Variants in PCDHGA8 observed in about 807,000 individuals in gnomAD.
The protein encoded by PCDHGA8 is protocadherin gamma subfamily A, 8.
PCDHGA8 carries 45 observed loss-of-function variants against 59.2 expected under a neutral mutation model. The ratio of observed to expected loss-of-function variants is 0.76; its 90% CI spans 0.60 to 0.98. The LOEUF (loss-of-function observed/expected upper bound fraction) is 0.98. PCDHGA8 is among the 50% of genes least tolerant of loss of function. PCDHGA8 has a pLI of 0.00. For synonymous variants in PCDHGA8, 531 were observed against 519.0 expected (o/e 1.02, Z -0.32); for missense variants, 1,257 against 1,196.2 (o/e 1.05, Z -0.75).
rs769671283 is a variant in PCDHGA8, at chr5:141,511,391, C to A, written c.*218C>A. 1 of 1,079,748 alleles carries A rather than the reference C, an allele frequency of 9.3e-7. No homozygotes were observed. The allele number at this position is 1,079,748 out of a possible 1,614,324, so 66.9% of individuals were successfully genotyped here. On this transcript the variant is annotated 3_prime_UTR_variant, in exon 4 of 4. Transcript: ENST00000398604. ...TGCAAAAGCAGTTCCGCTGGGAACC[C>A]CCATCCAATCAACTGCTGTACCCAT...
At chr5:141,447,649 T>C (rs909020761) in intron 1 of PCDHGA8, among the ~76,000 whole-genome samples, 1 of 152,206 alleles carries the variant, frequency 6.6e-6, no homozygotes, top group Non-Finnish European at 1.5e-5. Context: ...TGGTAGAATT[T>C]TCCCCCCCAG....
chr5:141,487,671 G>A lies in PCDHGA8; in HGVS notation c.2425-7136G>A. The A allele has an allele frequency of 6.2e-7, 1 of 1,612,012 alleles. No homozygotes were observed. The highest frequency in any genetic ancestry group is 8.5e-7 in the Non-Finnish European group (1 of 1,178,932). ...GAGGGTTATTCTGATCCAGGCATAT[G>A]GCTAGGCCATGTCCTAGAGAGTACT... On this transcript the variant is annotated intron_variant, in intron 1 of 3. Transcript: ENST00000398604. This position sits in a 1 kb window ranked among gnomAD's most constrained non-coding sequence, Gnocchi z 5.0.
At chr5:141,414,266 C>T in intron 1 of PCDHGA8, 1 of 1,613,254 alleles carries the variant, frequency 6.2e-7, no homozygotes, top group Non-Finnish European at 8.5e-7. Context: ...ACTGAAGATT[C>T]ACCTCTGGGA....
chr5:141,399,056 A>G (rs945298198), intron 1 of PCDHGA8: 24 of 1,613,834 alleles, frequency 1.5e-5, no homozygotes, highest in African/African-American at 1.2e-4. Flanking sequence ...GAGACCAAGG[A>G]ATATTCAATG....
chr5:141,499,689 C>CTTTTT (rs545067566), intron 2 of PCDHGA8, among the ~76,000 whole-genome samples: 5 of 119,848 alleles, frequency 4.2e-5, no homozygotes, highest in Admixed American at 8.7e-5. Context: ...TAACAGATGA[C>CTTTTT]TTTTTTTTTT....
At chr5:141,422,934 C>T in intron 1 of PCDHGA8, 1 of 1,614,254 alleles carries the variant, frequency 6.2e-7, no homozygotes, top group Non-Finnish European at 8.5e-7. Context: ...CTGCCCTCCC[C>T]ACAGACGGCT....
chr5:141,438,583 CATACATACATATATAT>C (rs1183800202), intron 1 of PCDHGA8, among the ~76,000 whole-genome samples: 1 of 57,610 alleles, frequency 1.7e-5, no homozygotes, highest in African/African-American at 9.0e-5. Context: ...TACATACATA[CATACATACATATATAT>C]ATATATATAT....
At chr5:141,419,796 T>C (rs1334397368) in intron 1 of PCDHGA8, 1 of 1,614,026 alleles carries the variant, frequency 6.2e-7, no homozygotes, top group Admixed American at 1.7e-5. Flanking sequence ...CTAGTCGCTG[T>C]AAGAGATGGA....
Position 141,490,710 on chromosome 5 carries a change from C to G in PCDHGA8, c.2425-4097C>G, listed in dbSNP as rs1158575765. On this transcript the variant is annotated intron_variant, in intron 1 of 3. Coordinates refer to ENST00000398604, the MANE Select transcript of PCDHGA8 (RefSeq NM_032088.2). The surrounding 1 kb of genome is among the most constrained non-coding windows in gnomAD (Gnocchi z 5.4). ...ACACTGGGGATAATGCCCGCCTCAC[C>G]TACTCCATTGTAGGAAATCAGGTTC... 6.2e-7 allele frequency: 1 copy of G among 1,614,208 alleles called. No homozygotes were observed. The highest frequency in any genetic ancestry group is 8.5e-7 in the Non-Finnish European group (1 of 1,180,030).
At chr5:141,419,663 G>A in intron 1 of PCDHGA8, 1 of 1,612,826 alleles carries the variant, frequency 6.2e-7, no homozygotes, top group Non-Finnish European at 8.5e-7. Flanking sequence ...GGGGCACAAT[G>A]CCTGGCTGTC....
chr5:141,506,444 CAAAAA>C (rs1219684339), intron 3 of PCDHGA8, among the ~76,000 whole-genome samples: 4 of 95,024 alleles, frequency 4.2e-5, no homozygotes, highest in Admixed American at 1.1e-4. Flanking sequence ...CGCTCTGTCT[CAAAAA>C]AAAAAAAAAA....
chr5:141,408,344 G>A, intron 1 of PCDHGA8: 1 of 1,613,958 alleles, frequency 6.2e-7, no homozygotes, highest in East Asian at 2.2e-5. Flanking sequence ...CTCGGTGGTG[G>A]GGAACCTCGC....
At chr5:141,424,772 G>A (rs2096839878) in intron 1 of PCDHGA8, 1 of 152,086 alleles carries the variant, frequency 6.6e-6, no homozygotes, top group Non-Finnish European at 1.5e-5. Flanking sequence ...ATGGCAAATA[G>A]TACATTCAGT....
chr5:141,415,740 G>GTTTTTTTTTTTTTTTTTT (rs57426385), intron 1 of PCDHGA8: 15 of 625,028 alleles, frequency 2.4e-5, no homozygotes, highest in African/African-American at 7.5e-5. Flanking sequence ...GTTTATTAAG[G>GTTTTTTTTTTTTTTTTTT]TTTTTTTTTT....
At position 141,393,580 on chromosome 5, in the gene PCDHGA8, C is replaced by A. The variant is rs756625630; in HGVS notation, c.767C>A (p.Pro256His). 5.6e-6 allele frequency: 9 copies of A among 1,613,758 alleles called. No individual in the cohort carries two copies. In the South Asian group the frequency reaches 9.9e-5, roughly 18 times the overall value. ...CGAGTGAAAGTCCTTGAGAACATGC[C>A]CCCAGGCACGCGGCTGCTTACTGTA... is the stretch of plus-strand genomic sequence containing the variant. ...IYRVKVLENM[P>H]PGTRLLTVTA... The change falls in exon 1 of 4, where the codon CCC (proline) becomes CAC (histidine). Residue 256 changes from proline to histidine, a missense_variant. Pro to His is a moderately conservative substitution (Grantham distance 77). Transcript: ENST00000398604.
chr5:141,398,175 G>C, intron 1 of PCDHGA8: 1 of 1,475,074 alleles, frequency 6.8e-7, no homozygotes, highest in Non-Finnish European at 9.0e-7. Flanking sequence ...GGCTGCCAGT[G>C]CTCTTTCTCT....
At chr5:141,501,716 A>G (rs2099810687) in intron 2 of PCDHGA8, among the ~76,000 whole-genome samples, 1 of 152,160 alleles carries the variant, frequency 6.6e-6, no homozygotes, top group African/African-American at 2.4e-5. Flanking sequence ...TAAAAAAGAC[A>G]AATATATTAC....
chr5:141,417,862 G>C, intron 1 of PCDHGA8: 1 of 1,550,466 alleles, frequency 6.4e-7, no homozygotes, highest in Non-Finnish European at 8.7e-7. Flanking sequence ...AGCGAACGAT[G>C]GGAGGGAGCT....
chr5:141,510,798 A>G, intron 3 of PCDHGA8, 149 bp from the exon 4 acceptor site: 1 of 1,474,326 alleles, frequency 6.8e-7, no homozygotes, highest in South Asian at 1.3e-5. Context: ...GTGAAGAGAG[A>G]CTACCTTGGT....
Sources: allele counts gnomAD v4.1 joint callset (sites outside exome capture counted in the v4.1 genomes callset), GRCh38; gene constraint gnomAD v4.1.1; non-coding constraint Gnocchi (gnomAD v3.1); transcripts MANE v1.5; gene names NCBI Gene and HGNC (gene_info 2026-07-23, HGNC 2026-07-21).